The following EMC3 variants were observed in gnomAD, a reference collection of about 807,000 sequenced individuals.
EMC3 encodes the protein 30 kDa protein.
Under a neutral mutation model 36.6 loss-of-function variants are expected in EMC3, and 13 were observed. The ratio of observed to expected loss-of-function variants is 0.35; its 90% CI spans 0.23 to 0.56. The LOEUF is 0.56. Ranked by LOEUF, EMC3 falls within the 20% of genes least tolerant of loss-of-function variation. EMC3 has a pLI of 0.84. For missense variants in EMC3, 220 were observed against 324.5 expected (o/e 0.68, Z 2.47); for synonymous variants, 120 against 111.9 (o/e 1.07, Z -0.46).
At chr3:9,977,920 C>CA (rs1026918687) in intron 1 of EMC3, among the ~76,000 whole-genome samples, 1 of 151,870 alleles carries the variant, frequency 6.6e-6, no homozygotes, top group Non-Finnish European at 1.5e-5. Context: ...ACCCAGAAGT[C>CA]AGACTGTTAG....
intron 1 of EMC3, among the ~76,000 whole-genome samples, chr3:9,985,828 A>G (rs2085965012): frequency 6.6e-6 from 1 of 152,210 alleles, no homozygotes; most frequent in Admixed American, 6.5e-5. Flanking sequence ...CGGGAGGCGT[A>G]GACTGCAGTG....
intron 7 of EMC3, 29 bp from the exon 8 acceptor site, chr3:9,964,226 A>G: frequency 6.2e-7 from 1 of 1,610,980 alleles, no homozygotes. Context: ...CCCAGGCAGG[A>G]AGAGAGGGAA....
At chr3:9,988,977 A>T (rs998700591), upstream of EMC3, among the ~76,000 whole-genome samples, 15 of 151,744 alleles carry the variant, frequency 9.9e-5, no homozygotes, top group Non-Finnish European at 5.9e-5. Context: ...AGTATCCACA[A>T]GGGGAAATAC....
chr3:9,970,730 T>C lies in EMC3; in HGVS notation c.495-69A>G. 4 of 1,507,606 alleles carry C rather than the reference T, an allele frequency of 2.7e-6. No homozygotes were observed. The South Asian group carries it at 4.5e-5, about 17-fold the overall frequency. The allele number at this position is 1,507,606 out of a possible 1,614,324, so 93.4% of individuals were successfully genotyped here. A position where few individuals can be genotyped will look rare whatever the true frequency, so the allele number is the denominator to read the frequency against. Reference sequence around the variant, plus strand: ...GAGAGTAATGCAGTTCCCACTTCCCTACCACCCAAAGTTGTTCAGTGTTTG... The same window carrying C: ...GAGAGTAATGCAGTTCCCACTTCCCCACCACCCAAAGTTGTTCAGTGTTTG... On this transcript the variant is annotated intron_variant, in intron 5 of 7. Coordinates refer to ENST00000245046, the MANE Select transcript of EMC3 (RefSeq NM_001394674.1).
chr3:9,975,117 G>A (rs980340407), intron 3 of EMC3, among the ~76,000 whole-genome samples: 6 of 151,836 alleles, frequency 4.0e-5, no homozygotes, highest in East Asian at 1.9e-4. Context: ...TGCCTGCCTC[G>A]GTCTCCCAAA....
chr3:9,986,856 G>C, upstream of EMC3: 3 of 1,378,884 alleles, frequency 2.2e-6, no homozygotes, highest in Non-Finnish European at 2.8e-6. Context: ...CGCGAACGTT[G>C]ACGTCACGTC....
At chr3:9,975,181 C>T (rs1158449799) in intron 3 of EMC3, among the ~76,000 whole-genome samples, 10 of 152,116 alleles carry the variant, frequency 6.6e-5, no homozygotes, top group Admixed American at 6.6e-4. Context: ...TTTTTAATGT[C>T]TGCATAGGAT....
chr3:10,003,013 G>A (rs907724625), intron 1 of EMC3: 9 of 454,212 alleles, frequency 2.0e-5, no homozygotes, highest in Admixed American at 1.9e-4. Flanking sequence ...CAGCAGCAGT[G>A]GTGGAGACCC....
chr3:9,981,859 C>A (rs779201542), intron 1 of EMC3: 1 of 337,882 alleles, frequency 3.0e-6, no homozygotes, highest in Admixed American at 4.2e-5. Context: ...AGTCTGAGAA[C>A]CATTTTTTAC....
chr3:9,998,376 A>AATAATAATG (rs2086154800), intron 1 of EMC3, among the ~76,000 whole-genome samples: 1 of 140,862 alleles, frequency 7.1e-6, no homozygotes, highest in Non-Finnish European at 1.5e-5. Context: ...AAATAATAAT[A>AATAATAATG]ATAATAATAA....
chr3:10,004,790 T>C (rs910439454), intron 1 of EMC3: 4 of 151,898 alleles, frequency 2.6e-5, no homozygotes, highest in African/African-American at 7.3e-5. Context: ...CAGGGAGGGG[T>C]GGGAATCTGT....
In EMC3 at chr3:9,964,121, T is replaced by A. The variant is rs762838395; in HGVS notation, c.734A>T (p.Asp245Val). The A allele has an allele frequency of 1.9e-5, 31 of 1,613,838 alleles. No homozygotes were observed. The highest frequency in any genetic ancestry group is 4.4e-5 in the South Asian group (4 of 91,078). ...TTTGAACATGCCTTCGAAGTGGAGGTCTTTGGCCATGAGCTCTTCTTCGAC... is the reference window on the plus strand; with the variant it reads ...TTTGAACATGCCTTCGAAGTGGAGGACTTTGGCCATGAGCTCTTCTTCGAC... ...DDVEEELMAKDLHFEGMFKKE... is the reference protein window; with the variant it reads ...DDVEEELMAKVLHFEGMFKKE... The change falls in exon 8 of 8, where the codon GAC becomes GTC. Residue 245 changes from aspartate to valine, a missense_variant. Asp to Val is a radical substitution (Grantham distance 152, BLOSUM62 -3). This residue lies in a region of EMC3 where 37 missense variants were observed against 32.9 expected (regional missense o/e 1.13). Transcript: ENST00000245046.
At chr3:10,002,584 C>T in intron 1 of EMC3, 2 of 356,044 alleles carry the variant, frequency 5.6e-6, no homozygotes, top group Non-Finnish European at 5.6e-6. Context: ...CCGCGCCAAG[C>T]CTTGCCTTTA....
intron 1 of EMC3, among the ~76,000 whole-genome samples, chr3:9,999,516 G>T (rs1030171518): frequency 6.6e-6 from 1 of 152,152 alleles, no homozygotes; most frequent in African/African-American, 2.4e-5. Flanking sequence ...TGTGATTACA[G>T]GCATGAGCCA....
intron 7 of EMC3, among the ~76,000 whole-genome samples, chr3:9,964,621 C>A (rs2124896723): frequency 6.6e-6 from 1 of 152,356 alleles, no homozygotes; most frequent in African/African-American, 2.4e-5. Flanking sequence ...GACTTGCCAT[C>A]TGGTTTAAAT....
chr3:9,985,858 C>T (rs1291712767), intron 1 of EMC3, among the ~76,000 whole-genome samples: 1 of 152,172 alleles, frequency 6.6e-6, no homozygotes, highest in Non-Finnish European at 1.5e-5. Context: ...GACGCCACCG[C>T]ACTCCAGCCT....
upstream of EMC3, chr3:9,986,882 G>T: frequency 7.4e-7 from 1 of 1,355,714 alleles, no homozygotes; most frequent in Non-Finnish European, 9.5e-7. Context: ...GCACCTCAGT[G>T]GCGTCAGAGC....
At chr3:9,998,458 C>A (rs957522854) in intron 1 of EMC3, among the ~76,000 whole-genome samples, 1 of 149,168 alleles carries the variant, frequency 6.7e-6, no homozygotes, top group African/African-American at 2.5e-5. Flanking sequence ...TGTATAGGAT[C>A]TTGCTCTGTC....
chr3:10,005,560 T>C (rs530626658), intron 1 of EMC3, among the ~76,000 whole-genome samples: 12 of 152,170 alleles, frequency 7.9e-5, no homozygotes, highest in Non-Finnish European at 1.5e-4. Context: ...CACAGGAAGA[T>C]ACCATGCCCC....
Sources: gnomAD v4.1 joint callset for allele counts (sites outside exome capture counted in the v4.1 genomes callset) on GRCh38, gnomAD v4.1.1 for gene constraint, gnomAD v4.1.1 regional missense constraint, MANE v1.5 for transcripts, NCBI Gene and HGNC (gene_info 2026-07-23, HGNC 2026-07-21) for gene names.